The following CALD1 variants were observed in gnomAD, a reference collection of about 807,000 sequenced individuals.
CALD1 encodes caldesmon.
Under a neutral mutation model 99.9 loss-of-function variants are expected in CALD1, and 33 were observed. That is an observed-to-expected ratio of 0.33 (90% CI 0.25 to 0.44). The LOEUF is 0.44. Ranked by LOEUF, CALD1 falls within the 20% of genes least tolerant of loss-of-function variation. The pLI is 1.00. For missense variants in CALD1, 861 were observed against 962.1 expected (o/e 0.89, Z 1.39); for synonymous variants, 310 against 325.0 (o/e 0.95, Z 0.50).
At chr7:134,711,680 ATGTGTGTG>A in the CALD1 span, among the ~76,000 whole-genome samples, 11,524 of 109,076 alleles carry the variant, frequency 0.11, 665 homozygotes, top group Non-Finnish European at 0.13. Context: ...ATATATATAT[ATGTGTGTG>A]TGTGTGTGTG....
At chr7:134,866,042 C>T (rs1800787433) in intron 2 of CALD1, among the ~76,000 whole-genome samples, 1 of 152,174 alleles carries the variant, frequency 6.6e-6, no homozygotes, top group Admixed American at 6.5e-5. Flanking sequence ...AGAGAAGAGT[C>T]TACCCTCCCA....
chr7:134,957,212 T>C (rs906739822), intron 9 of CALD1, among the ~76,000 whole-genome samples: 1 of 152,164 alleles, frequency 6.6e-6, no homozygotes, highest in Non-Finnish European at 1.5e-5. Flanking sequence ...GGCTTGATCA[T>C]TGACCCTTGT....
At chr7:134,747,572 T>C (rs1796646148) in intron 1 of CALD1, among the ~76,000 whole-genome samples, 2 of 152,020 alleles carry the variant, frequency 1.3e-5, no homozygotes, top group African/African-American at 4.8e-5. Flanking sequence ...CTTCCCATCA[T>C]AGGTCCTGGA....
chr7:134,818,008 T>C (rs75250779), intron 1 of CALD1, among the ~76,000 whole-genome samples: 3,300 of 152,270 alleles, frequency 0.022, 95 homozygotes, highest in African/African-American at 0.065. Context: ...GAGTTTACTC[T>C]TTTTCTTTAT....
At chr7:134,753,302 A>G (rs1796701232) in intron 1 of CALD1, among the ~76,000 whole-genome samples, 2 of 152,140 alleles carry the variant, frequency 1.3e-5, no homozygotes, top group Non-Finnish European at 2.9e-5. Flanking sequence ...TTTCTATAGA[A>G]AAAAAATAGG....
intron 7 of CALD1, among the ~76,000 whole-genome samples, chr7:134,942,821 G>T (rs140753945): frequency 7.1e-4 from 108 of 152,250 alleles, no homozygotes; most frequent in African/African-American, 2.6e-3. Flanking sequence ...GTAGAAAAAA[G>T]TCTGTTTAAC....
At chr7:134,960,834 T>A in intron 13 of CALD1, 1 of 489,078 alleles carries the variant, frequency 2.0e-6, no homozygotes. Context: ...TGGAACCAAA[T>A]AATCACCTCT....
Position 134,929,621 on chromosome 7 carries a change from C to CACACACATATATGTGTGT in CALD1, c.218+721_218+722insACACACATATATGTGTGT. Among the ~76,000 whole-genome samples, 2 of 4,240 alleles carry CACACACATATATGTGTGT rather than the reference C, an allele frequency of 4.7e-4. 1 individual carries two copies. Among genetic ancestry groups the CACACACATATATGTGTGT allele is most frequent in the Admixed American group, 4.4e-3 (2 of 456 alleles). The allele number at this position is 4,240 out of a possible 152,430, so 2.8% of individuals were successfully genotyped here. On this transcript the variant is annotated intron_variant, in intron 4 of 14. Coordinates refer to ENST00000361675, the MANE Select transcript of CALD1 (RefSeq NM_033138.4). The stretch of plus-strand genomic sequence containing the variant: ...GTATTCCATGGTGTGTGTATATATA[C>CACACACATATATGTGTGT]GTGTGTGTGTGTGTGTGTGTGTGTG...
chr7:134,959,263 C>T (rs1490752638), intron 11 of CALD1, among the ~76,000 whole-genome samples: 1 of 152,034 alleles, frequency 6.6e-6, no homozygotes, highest in East Asian at 1.9e-4. Flanking sequence ...TCACTGCAAC[C>T]TCTGCATTCC....
chr7:134,818,651 C>A (rs1798652696), intron 1 of CALD1, among the ~76,000 whole-genome samples: 1 of 152,136 alleles, frequency 6.6e-6, no homozygotes, highest in Non-Finnish European at 1.5e-5. Context: ...ATTCGATTTT[C>A]TTTTTCAGAG....
upstream of CALD1, among the ~76,000 whole-genome samples, chr7:134,742,151 C>T (rs1796597524): frequency 6.6e-6 from 1 of 152,006 alleles, no homozygotes; most frequent in East Asian, 1.9e-4. Context: ...TGTTAAATTT[C>T]AAAAGTCTGT....
At chr7:134,960,180 G>C in intron 12 of CALD1, 69 bp downstream of exon 12, 3 of 1,524,592 alleles carry the variant, frequency 2.0e-6, no homozygotes, top group Non-Finnish European at 2.7e-6. Flanking sequence ...TTTGATTTAG[G>C]AATCACACTA....
rs1274298035 is a variant in CALD1, at chr7:134,968,801, T to C, written c.*456T>C. 1 of 210,948 alleles carries C rather than the reference T, an allele frequency of 4.7e-6. No individual in the cohort carries two copies. Among genetic ancestry groups the C allele is most frequent in the Non-Finnish European group, 1.0e-5 (1 of 98,460 alleles). 13.1% of individuals were successfully genotyped at this position (210,948 alleles called of 1,614,324 possible). On this transcript the variant is annotated 3_prime_UTR_variant, in exon 15 of 15. Transcript: ENST00000361675. ...AAGAAATTATCTTAGTAGGCAATTG[T>C]AACACTTTTTGAAAGTAACCCATTT...
chr7:134,938,690 C>A (rs1434033686), intron 6 of CALD1, among the ~76,000 whole-genome samples: 1 of 151,980 alleles, frequency 6.6e-6, no homozygotes, highest in Non-Finnish European at 1.5e-5. Context: ...ATTCATTTCC[C>A]AGAAAGAGAA....
intron 13 of CALD1, among the ~76,000 whole-genome samples, chr7:134,964,607 G>A (rs1207799602): frequency 2.0e-5 from 3 of 152,148 alleles, no homozygotes; most frequent in Non-Finnish European, 2.9e-5. Context: ...GCAGAGAAGC[G>A]CTGTGTGGGC....
At chr7:134,892,415 T>G (rs553543989) in intron 3 of CALD1, among the ~76,000 whole-genome samples, 1 of 152,234 alleles carries the variant, frequency 6.6e-6, no homozygotes, top group Non-Finnish European at 1.5e-5. Flanking sequence ...TTGAAAAACT[T>G]ACTGGGTCTT....
intron 1 of CALD1, among the ~76,000 whole-genome samples, chr7:134,821,024 A>T (rs1197100278): frequency 1.3e-5 from 2 of 152,186 alleles, no homozygotes; most frequent in East Asian, 3.8e-4. Flanking sequence ...TTTTCTATTA[A>T]ACTTAGATTA....
At position 134,970,587 on chromosome 7, in the gene CALD1, A is replaced by G. The variant is rs1055992097; in HGVS notation, c.*2242A>G. The G allele has an allele frequency of 1.3e-5, 2 of 152,650 alleles. No homozygotes were observed. Among genetic ancestry groups the G allele is most frequent in the Admixed American group, 6.5e-5 (1 of 15,288 alleles). The allele number at this position is 152,650 out of a possible 1,614,324, so 9.5% of individuals were successfully genotyped here. ...TTTTCACTGATAATGGATCGCTCCA[A>G]TAAACATATATTGTGAAAATGCATC... is the stretch of plus-strand genomic sequence containing the variant. On this transcript the variant is annotated 3_prime_UTR_variant, in exon 15 of 15. Coordinates refer to ENST00000361675, the MANE Select transcript of CALD1 (RefSeq NM_033138.4).
At chr7:134,809,330 G>A (rs1044491003) in intron 1 of CALD1, among the ~76,000 whole-genome samples, 2 of 152,306 alleles carry the variant, frequency 1.3e-5, no homozygotes, top group South Asian at 4.1e-4. Context: ...GCATAAGAGA[G>A]AACTTCATTG....
Sources: allele counts gnomAD v4.1 joint callset (sites outside exome capture counted in the v4.1 genomes callset), GRCh38; gene constraint gnomAD v4.1.1; transcripts MANE v1.5; gene names NCBI Gene and HGNC (gene_info 2026-07-23, HGNC 2026-07-21).